Variants in ABLIM2 observed in about 807,000 individuals in gnomAD.
ABLIM2 encodes actin binding LIM protein family member 2, also known as actin-binding LIM protein 2.
Under a neutral mutation model 97.7 loss-of-function variants are expected in ABLIM2, and 53 were observed. The ratio of observed to expected loss-of-function variants is 0.54; its 90% CI spans 0.44 to 0.68. The LOEUF (loss-of-function observed/expected upper bound fraction) is 0.68, where lower values mean the gene tolerates loss of function less well. Ranked by LOEUF, ABLIM2 falls within the 30% of genes least tolerant of loss-of-function variation. The probability of loss-of-function intolerance (pLI) is 0.00; values close to 1 mark genes in which losing one functional copy is unlikely to be tolerated. For missense variants in ABLIM2, 835 were observed against 867.2 expected, an observed-to-expected ratio of 0.96 and a Z score of 0.47; for synonymous variants, 361 against 345.8, an observed-to-expected ratio of 1.04 and a Z score of -0.49.
Position 8,023,495 on chromosome 4 carries a change from A to C in ABLIM2, c.1268-3192T>G, listed in dbSNP as rs1775316794. On this transcript the variant is annotated intron_variant, in intron 12 of 20. Transcript: ENST00000447017. The surrounding 1 kb of genome is among the most constrained non-coding windows in gnomAD (Gnocchi z 5.7). ...TGAAGTGTCCTCACCACATCCTATC[A>C]AGGGCACCTGCTGTCAGCAGAGCGG... is the stretch of plus-strand genomic sequence containing the variant. Among the ~76,000 whole-genome samples, 1 of 152,196 alleles carries C rather than the reference A, an allele frequency of 6.6e-6. No individual in the cohort carries two copies. The highest frequency in any genetic ancestry group is 2.4e-5 in the African/African-American group (1 of 41,456).
chr4:8,014,010 A>C (rs1003271752), intron 14 of ABLIM2, among the ~76,000 whole-genome samples: 3 of 152,216 alleles, frequency 2.0e-5, no homozygotes, highest in Admixed American at 1.3e-4. Context: ...GGGGGCCAGC[A>C]GAGGTGTGGG....
chr4:8,147,843 A>C lies in ABLIM2; in HGVS notation c.10+10837T>G, dbSNP rs1056069173. Among the ~76,000 whole-genome samples the C allele has an allele frequency of 6.6e-6, 1 of 152,188 alleles. No homozygotes were observed. The highest frequency in any genetic ancestry group is 6.5e-5 in the Admixed American group (1 of 15,284). On this transcript the variant is annotated intron_variant, in intron 1 of 20. Coordinates refer to ENST00000447017, the MANE Select transcript of ABLIM2 (RefSeq NM_001130083.2). This position sits in a 1 kb window ranked among gnomAD's most constrained non-coding sequence, Gnocchi z 5.3. ...GGTCACTGGTGACCGCAGCCCCTAG[A>C]CACTCACAGGTGGCCTTTGCCCAGC...
intron 12 of ABLIM2, among the ~76,000 whole-genome samples, chr4:8,025,292 G>T (rs567065378): frequency 6.6e-6 from 1 of 152,332 alleles, no homozygotes; most frequent in African/African-American, 2.4e-5. Context: ...GGCAGAGATG[G>T]GCATCAAAGA....
chr4:8,099,064 C>CA (rs1380944399), intron 2 of ABLIM2, among the ~76,000 whole-genome samples: 8 of 152,258 alleles, frequency 5.3e-5, no homozygotes, highest in Non-Finnish European at 7.3e-5. Context: ...AAGCTCCAGA[C>CA]AGGTGGGCCT....
At chr4:8,094,975 C>CCTTT (rs71175460) in intron 3 of ABLIM2, among the ~76,000 whole-genome samples, 35,813 of 143,540 alleles carry the variant, frequency 0.25, 4,749 homozygotes, top group East Asian at 0.3. Flanking sequence ...TCCTTCCCTC[C>CCTTT]CTTTCTTTCT....
intron 1 of ABLIM2, among the ~76,000 whole-genome samples, chr4:8,119,519 G>A (rs1174709444): frequency 1.3e-5 from 2 of 151,860 alleles, no homozygotes; most frequent in Admixed American, 1.3e-4. Context: ...GTAGAGATGG[G>A]GTTTCACCAT....
In ABLIM2 at chr4:8,130,751, G is replaced by T. The variant is rs532968981; in HGVS notation, c.11-24114C>A. 9.9e-5 allele frequency among the ~76,000 whole-genome samples: 15 copies of T among 152,280 alleles called. No individual in the cohort carries two copies. In the East Asian group the frequency reaches 2.9e-3, roughly 29 times the overall value. On this transcript the variant is annotated intron_variant, in intron 1 of 20. Coordinates refer to ENST00000447017, the MANE Select transcript of ABLIM2 (RefSeq NM_001130083.2). The surrounding 1 kb of genome is among the most constrained non-coding windows in gnomAD (Gnocchi z 4.2). ...GGCCCAGGGAGGGGAGAGACGGTCT[G>T]GGCAGAGAGCAGTACAACAAGGACA...
chr4:8,032,604 G>C lies in ABLIM2; in HGVS notation c.1048-2828C>G. 6.2e-7 allele frequency: 1 copy of C among 1,611,536 alleles called. No individual in the cohort carries two copies. The highest frequency in any genetic ancestry group is 8.5e-7 in the Non-Finnish European group (1 of 1,179,302). Reference sequence around the variant, plus strand: ...GGTGGTTATGTTTATAACCCAGGCAGCAGCGCCACGGCAAGCGGGGACAGG... The same window carrying C: ...GGTGGTTATGTTTATAACCCAGGCACCAGCGCCACGGCAAGCGGGGACAGG... On this transcript the variant is annotated intron_variant, in intron 10 of 20. Transcript: ENST00000447017. The surrounding 1 kb of genome is among the most constrained non-coding windows in gnomAD (Gnocchi z 4.3).
Position 8,106,573 on chromosome 4 carries a change from G to A in ABLIM2, c.75C>T (p.Asn25=). Reference sequence around the variant, plus strand: ...CGCCCTTGCACACATTCCCACACGTGTTGCACAGGATCGCCGTGCTGGGCG... The same window carrying A: ...CGCCCTTGCACACATTCCCACACGTATTGCACAGGATCGCCGTGCTGGGCG... The part of the protein sequence containing the change: ...EKSPSTAILC[N]TCGNVCKGEV... Residue 25 remains asparagine (N), a synonymous_variant, in exon 2 of 21, where the codon AAC becomes AAT. Transcript: ENST00000447017. 1.2e-6 allele frequency: 2 copies of A among 1,611,128 alleles called. No homozygotes were observed. Among genetic ancestry groups the A allele is most frequent in the Non-Finnish European group, 1.7e-6 (2 of 1,178,956 alleles).
rs953121746 is a variant in ABLIM2 at position 8,015,363 on chromosome 4, G to A, written c.1423+4255C>T. Among the ~76,000 whole-genome samples the A allele has an allele frequency of 2.0e-5, 3 of 152,054 alleles. No homozygotes were observed. Among genetic ancestry groups the A allele is most frequent in the African/African-American group, 7.2e-5 (3 of 41,408 alleles). On this transcript the variant is annotated intron_variant, in intron 14 of 20. Coordinates refer to ENST00000447017, the MANE Select transcript of ABLIM2 (RefSeq NM_001130083.2). The surrounding 1 kb of genome is among the most constrained non-coding windows in gnomAD (Gnocchi z 4.6). ...GAGGAACCCTCTAGGGAGAGGCTGA[G>A]TTCCTACTCCCCGGCTCCCCTGGGG...
At chr4:8,045,505 C>G (rs1013209369) in intron 8 of ABLIM2, among the ~76,000 whole-genome samples, 8 of 152,100 alleles carry the variant, frequency 5.3e-5, no homozygotes, top group Admixed American at 2.0e-4. Flanking sequence ...AAAAATTAGC[C>G]GGGTGTGGTG....
intron 9 of ABLIM2, among the ~76,000 whole-genome samples, chr4:8,038,991 C>A (rs1786332638): frequency 6.6e-6 from 1 of 152,166 alleles, no homozygotes; most frequent in South Asian, 2.1e-4. Flanking sequence ...GCCTCTGGTC[C>A]TTCCAGGCTC....
chr4:8,106,083 G>A (rs1837257444), intron 2 of ABLIM2, among the ~76,000 whole-genome samples: 1 of 152,182 alleles, frequency 6.6e-6, no homozygotes, highest in Non-Finnish European at 1.5e-5. Context: ...CTTCGGGTGG[G>A]GGTCCCCGCG....
chr4:7,977,307 A>G (rs779158531), intron 20 of ABLIM2, among the ~76,000 whole-genome samples: 6 of 151,966 alleles, frequency 3.9e-5, no homozygotes, highest in Non-Finnish European at 8.8e-5. Flanking sequence ...TTCCTTTTAT[A>G]AAATACCCAG....
At position 7,966,921 on chromosome 4, in the gene ABLIM2, T is replaced by C. The variant is rs892093091; in HGVS notation, c.*69A>G. 5 of 660,034 alleles carry C rather than the reference T, an allele frequency of 7.6e-6. No homozygotes were observed. The highest frequency in any genetic ancestry group is 5.3e-5 in the Admixed American group (2 of 37,716). The allele number at this position is 660,034 out of a possible 1,614,324, so 40.9% of individuals were successfully genotyped here. On this transcript the variant is annotated 3_prime_UTR_variant, in exon 21 of 21. Transcript: ENST00000447017. ...CAGAGCAAGGTGTGTGGGAGGGGTG[T>C]GTGCGGTTCTCGCCAGGGGCCCCTG...
intron 8 of ABLIM2, among the ~76,000 whole-genome samples, chr4:8,051,749 T>C (rs1796186396): frequency 6.6e-6 from 1 of 152,156 alleles, no homozygotes; most frequent in Admixed American, 6.5e-5. Flanking sequence ...TTCTTGCCCT[T>C]GCCCCACATG....
intron 12 of ABLIM2, among the ~76,000 whole-genome samples, chr4:8,024,244 G>A (rs73092330): frequency 0.029 from 4,469 of 152,154 alleles, 237 homozygotes; most frequent in African/African-American, 0.1. Flanking sequence ...CAGCAGCACC[G>A]ACTCCCCTCC....
At chr4:8,088,130 T>C (rs1199795981) in intron 4 of ABLIM2, 39 bp downstream of exon 4, 1 of 720,982 alleles carries the variant, frequency 1.4e-6, no homozygotes, top group Non-Finnish European at 2.0e-6. Flanking sequence ...CCACTCAGCA[T>C]GCCCCCACTC....
At chr4:7,993,860 G>A (rs1750946738) in intron 16 of ABLIM2, 2 of 476,374 alleles carry the variant, frequency 4.2e-6, no homozygotes, top group African/African-American at 2.0e-5. Context: ...CCCCCACCGA[G>A]CTCCCTCCAT....
Sources: gnomAD v4.1 joint callset for allele counts (sites outside exome capture counted in the v4.1 genomes callset) on GRCh38, gnomAD v4.1.1 for gene constraint, Gnocchi (gnomAD v3.1) non-coding constraint, MANE v1.5 for transcripts, NCBI Gene and HGNC (gene_info 2026-07-23, HGNC 2026-07-21) for gene names.